The following LRP2BP variants were observed in gnomAD, a reference collection of about 807,000 sequenced individuals.
The protein encoded by LRP2BP is LRP2 binding protein, also known as LRP2-binding protein.
A neutral mutation model predicts 45.2 loss-of-function variants in LRP2BP; 38 were observed. The ratio of observed to expected loss-of-function variants is 0.84; its 90% confidence interval spans 0.65 to 1.10. The LOEUF (loss-of-function observed/expected upper bound fraction) is 1.10, where lower values mean the gene tolerates loss of function less well. Among genes scored for constraint, LRP2BP ranks in the 50% least tolerant of loss-of-function variants. The probability of loss-of-function intolerance (pLI) is 0.00; values close to 1 mark genes in which losing one functional copy is unlikely to be tolerated. For synonymous variants in LRP2BP, 153 were observed against 153.9 expected, an observed-to-expected ratio of 0.99 and a Z score of 0.04; for missense variants, 385 against 418.9, an observed-to-expected ratio of 0.92 and a Z score of 0.71.
In LRP2BP at chr4:185,378,235, T is replaced by C. The variant is rs773411285; in HGVS notation, c.-21-28A>G. ...ATAAGCAAGAAGAAAAAATAAGTGG[T>C]AGAAATTTCTTCCTCCAGCGAAGTG... On this transcript the variant is annotated intron_variant, in intron 1 of 8. Transcript: ENST00000505916. The C allele has an allele frequency of 2.5e-6, 4 of 1,603,110 alleles. No individual in the cohort carries two copies. In the Admixed American group the frequency reaches 5.3e-5, roughly 21 times the overall value.
chr4:185,396,589 G>C (rs1020587344), upstream of LRP2BP: 3 of 327,488 alleles, frequency 9.2e-6, no homozygotes, highest in Non-Finnish European at 1.7e-5. Flanking sequence ...GCCCCGCCCC[G>C]AGGTGGGAGG....
intron 3 of LRP2BP, 21 bp downstream of exon 3, chr4:185,376,882 TGAAAAC>T: frequency 6.6e-7 from 1 of 1,522,402 alleles, no homozygotes; most frequent in Non-Finnish European, 9.1e-7. Flanking sequence ...TTACAGGAAA[TGAAAAC>T]GAATAAACAA....
intron 8 of LRP2BP, among the ~76,000 whole-genome samples, chr4:185,369,141 A>G (rs2095405191): frequency 2.0e-5 from 3 of 150,186 alleles, no homozygotes; most frequent in Admixed American, 6.6e-5. Flanking sequence ...ATTTCAAAAT[A>G]TATTTGACTA....
At position 185,394,885 on chromosome 4, in the gene LRP2BP, G is replaced by A; in HGVS notation, c.-128C>T. On this transcript the variant is annotated 5_prime_UTR_variant, in exon 1 of 9. Coordinates refer to ENST00000505916, the MANE Select transcript of LRP2BP (RefSeq NM_001377440.1). Reference sequence around the variant, plus strand: ...TAGAATTAGCACTGCTTAGGAGAACGCCTATAAAATATGCATCTTAGATCA... The same window carrying A: ...TAGAATTAGCACTGCTTAGGAGAACACCTATAAAATATGCATCTTAGATCA... The A allele has an allele frequency of 7.1e-6, 7 of 985,364 alleles. No individual in the cohort carries two copies. Among genetic ancestry groups the A allele is most frequent in the Non-Finnish European group, 7.2e-6 (6 of 829,922 alleles). 61.0% of individuals were successfully genotyped at this position (985,364 alleles called of 1,614,324 possible). A position where few individuals can be genotyped will look rare whatever the true frequency, so the allele number is the denominator to read the frequency against.
At chr4:185,369,970 G>T in intron 8 of LRP2BP, 1 of 247,206 alleles carries the variant, frequency 4.0e-6, no homozygotes, top group East Asian at 1.2e-4. Flanking sequence ...TACCAAGTCT[G>T]CTATGATGTA....
chr4:185,369,354 T>A (rs6834425), intron 8 of LRP2BP, among the ~76,000 whole-genome samples: 52,364 of 150,724 alleles, frequency 0.35, 10,302 homozygotes, highest in African/African-American at 0.55. Flanking sequence ...AGTAGCTGGG[T>A]TTACAGGCAC....
In LRP2BP at chr4:185,394,982, T is replaced by G. The variant is rs932676231; in HGVS notation, c.-225A>C. On this transcript the variant is annotated 5_prime_UTR_variant, in exon 1 of 9. Transcript: ENST00000505916. ...ACTCCAGTTACTTGCCAGTAAGATA[T>G]TGTCCCCCAAATGTACTTATCCTGT... The G allele has an allele frequency of 8.1e-6, 8 of 985,328 alleles. No homozygotes were observed. The Admixed American group carries it at 4.9e-4, about 61-fold the overall frequency. The allele number at this position is 985,328 out of a possible 1,614,324, so 61.0% of individuals were successfully genotyped here. A position where few individuals can be genotyped will look rare whatever the true frequency, so the allele number is the denominator to read the frequency against.
chr4:185,374,498 T>C (rs1421655357), intron 4 of LRP2BP, 37 bp from the exon 5 acceptor site: 5 of 1,602,128 alleles, frequency 3.1e-6, no homozygotes, highest in African/African-American at 1.3e-5. Flanking sequence ...CCCTAGTTTT[T>C]AGTTTTACCC....
chr4:185,393,080 C>T (rs1424966586), intron 1 of LRP2BP, among the ~76,000 whole-genome samples: 3 of 152,092 alleles, frequency 2.0e-5, no homozygotes, highest in Non-Finnish European at 4.4e-5. Flanking sequence ...ATTACAGGCA[C>T]GCACCACACA....
rs1160174102 is a variant in LRP2BP at position 185,364,413 on chromosome 4, A to G, written c.*2767T>C. On this transcript the variant is annotated 3_prime_UTR_variant, in exon 9 of 9. Coordinates refer to ENST00000505916, the MANE Select transcript of LRP2BP (RefSeq NM_001377440.1). ...TTTCACCATCTATTATGCAGTAATA[A>G]AATACCTTCCCCTGTCTAATCCCCA... is the stretch of plus-strand genomic sequence containing the variant. The G allele has an allele frequency of 6.6e-6, 1 of 152,222 alleles. No individual in the cohort carries two copies. The highest frequency in any genetic ancestry group is 6.5e-5 in the Admixed American group (1 of 15,280). The allele number at this position is 152,222 out of a possible 1,614,324, so 9.4% of individuals were successfully genotyped here.
chr4:185,374,291 A>T (rs73029522), intron 5 of LRP2BP, 28 bp downstream of exon 5: 1 of 1,613,990 alleles, frequency 6.2e-7, no homozygotes, highest in African/African-American at 1.3e-5. Flanking sequence ...TTTCCTTCAA[A>T]CCTAATCTTG....
chr4:185,376,528 A>G (rs967828532), intron 3 of LRP2BP, among the ~76,000 whole-genome samples: 3 of 147,624 alleles, frequency 2.0e-5, no homozygotes, highest in African/African-American at 5.0e-5. Context: ...TCCTGACCTC[A>G]GGTGATCCAC....
At chr4:185,369,423 T>C (rs998338216) in intron 8 of LRP2BP, among the ~76,000 whole-genome samples, 1 of 151,838 alleles carries the variant, frequency 6.6e-6, no homozygotes, top group African/African-American at 2.4e-5. Context: ...TTAGTATTTT[T>C]AGTAGAGACC....
intron 8 of LRP2BP, chr4:185,369,931 G>A: frequency 3.5e-6 from 1 of 289,014 alleles, no homozygotes; most frequent in South Asian, 3.3e-5. Flanking sequence ...CACTCAGGCT[G>A]AACAATCTGT....
intron 2 of LRP2BP, 71 bp from the exon 3 acceptor site, chr4:185,377,089 T>C (rs776748917): frequency 3.6e-6 from 4 of 1,098,198 alleles, no homozygotes; most frequent in Non-Finnish European, 2.8e-6. Flanking sequence ...TAATGAATCA[T>C]ATAAAATCCA....
chr4:185,375,356 T>G (rs1273997751), intron 4 of LRP2BP, among the ~76,000 whole-genome samples: 1 of 143,052 alleles, frequency 7.0e-6, no homozygotes, highest in East Asian at 2.2e-4. Flanking sequence ...CTGTGAAGGC[T>G]GAGGCAGAAG....
chr4:185,390,252 TG>T (rs1443108594), intron 1 of LRP2BP, among the ~76,000 whole-genome samples: 2 of 152,202 alleles, frequency 1.3e-5, no homozygotes, highest in African/African-American at 4.8e-5. Flanking sequence ...GGCTCACGCC[TG>T]TAATCCCAGT....
Position 185,375,647 on chromosome 4 carries a change from A to ATCACTCCT in LRP2BP, c.288_295dup (p.Met99LysfsTer3). On this transcript the variant is annotated stop_gained and frameshift_variant, in exon 4 of 9. Coordinates refer to ENST00000505916, the MANE Select transcript of LRP2BP (RefSeq NM_001377440.1). LOFTEE classifies it high-confidence loss of function. ...AGTGGTCCCCAGCCCATCATAGTAC[A>ATCACTCCT]TCACTCCTAGCTGGTAAGTTGCTTG... 6.2e-7 allele frequency: 1 copy of ATCACTCCT among 1,611,728 alleles called. No individual in the cohort carries two copies. The highest frequency in any genetic ancestry group is 8.5e-7 in the Non-Finnish European group (1 of 1,179,222).
In LRP2BP at chr4:185,376,574, G is replaced by A. The variant is rs541818365; in HGVS notation, c.216+335C>T. Among the ~76,000 whole-genome samples the A allele has an allele frequency of 2.6e-5, 4 of 151,914 alleles. No individual in the cohort carries two copies. In the South Asian group the frequency reaches 6.2e-4, roughly 24 times the overall value. On this transcript the variant is annotated intron_variant, in intron 3 of 8. Coordinates refer to ENST00000505916, the MANE Select transcript of LRP2BP (RefSeq NM_001377440.1). ...CTCCCGAAGTACTGGGATTACAGGC[G>A]TGAGCCACCGCACCCGGCCTGATAA...
Sources: gnomAD v4.1 joint callset for allele counts (sites outside exome capture counted in the v4.1 genomes callset) on GRCh38, gnomAD v4.1.1 for gene constraint, MANE v1.5 for transcripts, NCBI Gene and HGNC (gene_info 2026-07-23, HGNC 2026-07-21) for gene names.